The following ALPK1 variants were observed in gnomAD, a reference collection of about 807,000 sequenced individuals.
ALPK1 encodes the protein alpha-protein kinase 1.
A neutral mutation model predicts 120.6 loss-of-function variants in ALPK1; 110 were observed. The observed-to-expected ratio is 0.91, with a 90% CI of 0.78 to 1.07. ALPK1 has a LOEUF of 1.07. ALPK1 is among the 50% of genes least tolerant of loss of function. The pLI is 0.00. For synonymous variants in ALPK1, 582 were observed against 560.3 expected (o/e 1.04, Z -0.55); for missense variants, 1,498 against 1,483.9 (o/e 1.01, Z -0.16).
intron 2 of ALPK1, chr4:112,359,335 T>A (rs574107123): frequency 6.3e-4 from 255 of 402,720 alleles, no homozygotes; most frequent in African/African-American, 4.5e-3. Flanking sequence ...TTGGCAGTGC[T>A]GACAGCCTAC....
chr4:112,309,313 T>C (rs1381112060), intron 1 of ALPK1, among the ~76,000 whole-genome samples: 1 of 152,172 alleles, frequency 6.6e-6, no homozygotes, highest in East Asian at 1.9e-4. Context: ...AGGTTTCTGC[T>C]GCCTTTTGTT....
At chr4:112,382,718 T>C (rs1027880305) in intron 4 of ALPK1, 166 bp downstream of exon 4, 14 of 966,958 alleles carry the variant, frequency 1.4e-5, no homozygotes, top group Admixed American at 5.1e-5. Flanking sequence ...TTGAAAAACA[T>C]TACTTGCCCA....
chr4:112,328,926 G>A (rs1729235096), intron 2 of ALPK1, among the ~76,000 whole-genome samples: 1 of 152,196 alleles, frequency 6.6e-6, no homozygotes, highest in African/African-American at 2.4e-5. Flanking sequence ...GAGCCTCGCA[G>A]CTTGTGGGTC....
Position 112,435,169 on chromosome 4 carries a change from CA to C in ALPK1, c.3063del (p.Lys1021AsnfsTer18), listed in dbSNP as rs1159828137. Reference sequence around the variant, plus strand: ...CCAGGTGCTCTTTTGTTAAAATATTCAAAAAAATCTGAACTGTGGACGGCCC... The same window carrying C: ...CCAGGTGCTCTTTTGTTAAAATATTCAAAAAATCTGAACTGTGGACGGCCC... ...RAHSALLLKYSKKSELWTAQE... is the reference protein window; with the variant it reads ...RAHSALLLKYXKKSELWTAQE... On this transcript the variant is annotated frameshift_variant, in exon 12 of 16. Transcript: ENST00000650871. LOFTEE classifies it high-confidence loss of function. 10 of 1,598,538 alleles carry C rather than the reference CA, an allele frequency of 6.3e-6. No individual in the cohort carries two copies. Among genetic ancestry groups the C allele is most frequent in the African/African-American group, 2.7e-5 (2 of 73,454 alleles).
At chr4:112,337,262 A>G (rs1334214740) in intron 2 of ALPK1, among the ~76,000 whole-genome samples, 5 of 152,204 alleles carry the variant, frequency 3.3e-5, no homozygotes, top group Admixed American at 2.0e-4. Context: ...TTGAAATAAA[A>G]GCACATTTTA....
At chr4:112,306,445 C>G (rs1439556476) in intron 1 of ALPK1, among the ~76,000 whole-genome samples, 1 of 152,106 alleles carries the variant, frequency 6.6e-6, no homozygotes, top group Non-Finnish European at 1.5e-5. Context: ...TTGGTCAATT[C>G]AGGGATTCAA....
intron 1 of ALPK1, among the ~76,000 whole-genome samples, chr4:112,299,880 A>G (rs1338271046): frequency 6.6e-6 from 1 of 152,310 alleles, no homozygotes; most frequent in East Asian, 1.9e-4. Flanking sequence ...CAGCTTGAAT[A>G]CTACAGGTTC....
chr4:112,358,778 G>A, intron 2 of ALPK1: 1 of 824,642 alleles, frequency 1.2e-6, no homozygotes, highest in South Asian at 1.3e-5. Flanking sequence ...ACACGGCCAA[G>A]CTCTTCATGG....
intron 3 of ALPK1, among the ~76,000 whole-genome samples, chr4:112,379,980 C>T (rs1299326412): frequency 6.6e-6 from 1 of 152,172 alleles, no homozygotes; most frequent in Non-Finnish European, 1.5e-5. Flanking sequence ...AATATGAACA[C>T]TATTCACTCC....
intron 4 of ALPK1, among the ~76,000 whole-genome samples, chr4:112,407,371 C>T (rs935352715): frequency 6.6e-6 from 1 of 152,068 alleles, no homozygotes; most frequent in South Asian, 2.1e-4. Flanking sequence ...GCCAGCTACT[C>T]AGAAACTGAG....
At chr4:112,434,500 T>A (rs1277204304) in intron 11 of ALPK1, among the ~76,000 whole-genome samples, 4 of 152,380 alleles carry the variant, frequency 2.6e-5, no homozygotes, top group Non-Finnish European at 5.9e-5. Context: ...TCCTTAGGAT[T>A]CATGTGGGTG....
chr4:112,358,655 G>A (rs915468151), intron 2 of ALPK1: 28 of 711,074 alleles, frequency 3.9e-5, no homozygotes, highest in Non-Finnish European at 6.3e-5. Flanking sequence ...AGGCCCACAG[G>A]TGCTCCACCC....
chr4:112,441,044 T>C lies in ALPK1; in HGVS notation c.3666T>C (p.His1222=). Residue 1222 remains histidine, a synonymous_variant, in exon 15 of 16, where the codon CAT becomes CAC. Transcript: ENST00000650871. ...TTTTTTACTTCTTTAATAACCAGCA[T>C]GTGGAATGTAATGAAATCTGCCATC... ...RGIFYFFNNQ[H]VECNEICHRL... The C allele has an allele frequency of 1.2e-6, 2 of 1,614,004 alleles. No individual in the cohort carries two copies.
intron 3 of ALPK1, 139 bp from the exon 4 acceptor site, chr4:112,382,259 G>A (rs1415703021): frequency 1.5e-5 from 16 of 1,053,642 alleles, no homozygotes; most frequent in Admixed American, 2.9e-5. Context: ...GCTTAGACCA[G>A]CCAGCAAGAG....
At chr4:112,345,646 T>A (rs967069008) in intron 2 of ALPK1, among the ~76,000 whole-genome samples, 1 of 152,326 alleles carries the variant, frequency 6.6e-6, no homozygotes, top group African/African-American at 2.4e-5. Context: ...AGAGAATTTT[T>A]AAATTTTTTA....
chr4:112,435,269 T>G lies in ALPK1; in HGVS notation c.3156T>G (p.Val1052=). 6.2e-7 allele frequency: 1 copy of G among 1,611,134 alleles called. No individual in the cohort carries two copies. Residue 1052 remains valine (V), a synonymous_variant, in exon 12 of 16, where the codon GTT becomes GTG. Coordinates refer to ENST00000650871, the MANE Select transcript of ALPK1 (RefSeq NM_025144.4). ...GCAGACAAAGAAATGCTTTTTGGGT[T>G]CATCATCTTCATCAAGAAGAAATTC... ...KKGRQRNAFW[V]HHLHQEEILG... is the part of the protein sequence containing the mutation.
intron 2 of ALPK1, among the ~76,000 whole-genome samples, chr4:112,332,036 C>T (rs959967330): frequency 6.6e-6 from 1 of 152,052 alleles, no homozygotes; most frequent in Non-Finnish European, 1.5e-5. Flanking sequence ...ACGCTCAAGT[C>T]TGGGATCTGT....
chr4:112,357,374 G>T, intron 2 of ALPK1: 2 of 708,162 alleles, frequency 2.8e-6, no homozygotes, highest in South Asian at 1.7e-5. Flanking sequence ...GGCAGGGCTG[G>T]GGGCCTATAA....
chr4:112,440,844 T>TGTGTGTTC lies in ALPK1; in HGVS notation c.3539-73_3539-72insGTGTGTTC. The stretch of plus-strand genomic sequence containing the variant: ...GTGTGTGTGTGTGTGTGTGTGTGTG[T>TGTGTGTTC]ATGTATTTTTGTAAACACTTGATGG... On this transcript the variant is annotated intron_variant, in intron 14 of 15. Transcript: ENST00000650871. 4 of 1,528,252 alleles carry TGTGTGTTC rather than the reference T, an allele frequency of 2.6e-6. No homozygotes were observed. The South Asian group carries it at 5.3e-5, about 20-fold the overall frequency. 94.7% of individuals were successfully genotyped at this position (1,528,252 alleles called of 1,614,324 possible). A position where few individuals can be genotyped will look rare whatever the true frequency, so the allele number is the denominator to read the frequency against.
Sources: allele counts gnomAD v4.1 joint callset (sites outside exome capture counted in the v4.1 genomes callset), GRCh38; gene constraint gnomAD v4.1.1; transcripts MANE v1.5; gene names NCBI Gene and HGNC (gene_info 2026-07-23, HGNC 2026-07-21).